The following MRPS5 variants were observed in gnomAD, a reference collection of about 807,000 sequenced individuals.
The protein encoded by MRPS5 is mitochondrial ribosomal protein S5, also known as small ribosomal subunit protein uS5m.
In MRPS5, 27 loss-of-function variants were observed where a neutral mutation model predicts 51.9. That is an observed-to-expected ratio of 0.52 (90% CI 0.38 to 0.72). MRPS5 has a LOEUF of 0.72. MRPS5 is among the 30% of genes least tolerant of loss of function. MRPS5 has a pLI of 0.00. For synonymous variants in MRPS5, 196 were observed against 193.2 expected (o/e 1.01, Z -0.12); for missense variants, 570 against 545.7 (o/e 1.04, Z -0.44).
intron 6 of MRPS5, 60 bp downstream of exon 6, chr2:95,106,363 T>TTCCCCC: frequency 1.7e-6 from 1 of 599,382 alleles, no homozygotes; most frequent in Admixed American, 2.0e-5. Context: ...GCCCTGTCCC[T>TTCCCCC]GCCCCACCCA....
chr2:95,106,396 A>C, intron 6 of MRPS5, 27 bp downstream of exon 6: 1 of 1,579,390 alleles, frequency 6.3e-7, no homozygotes, highest in Non-Finnish European at 8.7e-7. Context: ...CAAAGGCTTA[A>C]CCAGGTATTT....
At position 95,090,542 on chromosome 2, in the gene MRPS5, G is replaced by A. The variant is rs746331897; in HGVS notation, c.932-20C>T. 9.3e-6 allele frequency: 15 copies of A among 1,613,698 alleles called. No homozygotes were observed. The highest frequency in any genetic ancestry group is 2.7e-5 in the African/African-American group (2 of 74,898). ...CGTAACCTAGAAAAGGAGAAACCGG[G>A]TGAAACACAGCCCACTCGCCTGCAG... On this transcript the variant is annotated intron_variant, in intron 10 of 11. Coordinates refer to ENST00000272418, the MANE Select transcript of MRPS5 (RefSeq NM_031902.5).
intron 3 of MRPS5, among the ~76,000 whole-genome samples, chr2:95,110,280 T>A (rs951931909): frequency 2.6e-5 from 4 of 152,230 alleles, no homozygotes; most frequent in African/African-American, 9.6e-5. Context: ...ATTTTATTTT[T>A]CCCTCTAACT....
chr2:95,112,923 T>C (rs1188148459), intron 3 of MRPS5, among the ~76,000 whole-genome samples: 1 of 150,488 alleles, frequency 6.6e-6, no homozygotes, highest in Admixed American at 6.6e-5. Context: ...GAGAATGGCA[T>C]AAACCCAGGA....
intron 11 of MRPS5, among the ~76,000 whole-genome samples, chr2:95,089,173 A>C (rs1430845258): frequency 6.6e-6 from 1 of 152,230 alleles, no homozygotes; most frequent in African/African-American, 2.4e-5. Context: ...CTAATGTTTC[A>C]ATTTACAAGT....
At chr2:95,089,651 C>G (rs1268756420) in intron 11 of MRPS5, among the ~76,000 whole-genome samples, 1 of 152,182 alleles carries the variant, frequency 6.6e-6, no homozygotes, top group Non-Finnish European at 1.5e-5. Context: ...GAACCACCTA[C>G]ACAGGTAACA....
chr2:95,090,569 C>T (rs761231268), intron 10 of MRPS5, 47 bp from the exon 11 acceptor site: 21 of 1,610,426 alleles, frequency 1.3e-5, no homozygotes, highest in Admixed American at 6.7e-5. Context: ...CGCCTGCAGC[C>T]GGAGGAGTCA....
At chr2:95,095,456 T>A (rs1488777985) in intron 10 of MRPS5, among the ~76,000 whole-genome samples, 1 of 152,224 alleles carries the variant, frequency 6.6e-6, no homozygotes, top group Non-Finnish European at 1.5e-5. Flanking sequence ...TAGTTGGAAG[T>A]AAAGCACTCC....
Position 95,108,348 on chromosome 2 carries a change from T to G in MRPS5, c.464A>C (p.Gln155Pro), listed in dbSNP as rs748934594. 6.2e-7 allele frequency: 1 copy of G among 1,614,236 alleles called. No individual in the cohort carries two copies. The highest frequency in any genetic ancestry group is 8.5e-7 in the Non-Finnish European group (1 of 1,180,042). Residue 155 changes from glutamine to proline, a missense_variant, in exon 5 of 12, where the codon CAG becomes CCG. Coordinates refer to ENST00000272418, the MANE Select transcript of MRPS5 (RefSeq NM_031902.5). The part of the protein sequence containing the change: ...NVPLMKNGAV[Q>P]TIAQRSKEEQ... ...TTCCTTGCTTCTTTGGGCAATGGTC[T>G]GCACTGCTCCATTTTTCATAAGAGG...
At chr2:95,117,034 G>A (rs1263991490) in intron 2 of MRPS5, among the ~76,000 whole-genome samples, 2 of 151,990 alleles carry the variant, frequency 1.3e-5, no homozygotes, top group East Asian at 1.9e-4. Context: ...CCAGCTACTC[G>A]AGAGGCTGAG....
intron 8 of MRPS5, among the ~76,000 whole-genome samples, chr2:95,101,225 A>G (rs1463641202): frequency 6.6e-6 from 1 of 151,966 alleles, no homozygotes. Context: ...CTCTACCAAA[A>G]ATACAAAAGT....
rs986550053 is a variant in MRPS5, at chr2:95,090,280, T to C, written c.1068+106A>G. The C allele has an allele frequency of 5.3e-6, 6 of 1,134,278 alleles. No individual in the cohort carries two copies. The African/African-American group carries it at 9.3e-5, about 18-fold the overall frequency. 70.3% of individuals were successfully genotyped at this position (1,134,278 alleles called of 1,614,324 possible). On this transcript the variant is annotated intron_variant, in intron 11 of 11. Coordinates refer to ENST00000272418, the MANE Select transcript of MRPS5 (RefSeq NM_031902.5). ...AACAAAGAATGCCCAACTCCTCAGG[T>C]GGCCCCAGGAAAGCATCTCCAGGAG...
chr2:95,114,461 C>G (rs1676224134), intron 3 of MRPS5, among the ~76,000 whole-genome samples: 1 of 151,986 alleles, frequency 6.6e-6, no homozygotes, highest in Non-Finnish European at 1.5e-5. Flanking sequence ...TTAGTAGAGA[C>G]AGGGTTTCAC....
At chr2:95,121,944 C>A, upstream of MRPS5, 1 of 879,254 alleles carries the variant, frequency 1.1e-6, no homozygotes, top group Non-Finnish European at 1.6e-6. Context: ...GAGGGACTGT[C>A]CGGACGGGCC....
intron 1 of MRPS5, 69 bp downstream of exon 1, chr2:95,121,665 G>T: frequency 6.8e-7 from 1 of 1,481,164 alleles, no homozygotes; most frequent in Admixed American, 2.1e-5. Context: ...CCCGACTTCT[G>T]CAGGCCCCAG....
At chr2:95,092,180 T>G (rs1675485396) in intron 10 of MRPS5, 1 of 152,260 alleles carries the variant, frequency 6.6e-6, no homozygotes, top group South Asian at 2.1e-4. Flanking sequence ...GGTAATGATT[T>G]GACTACCTTC....
intron 3 of MRPS5, among the ~76,000 whole-genome samples, chr2:95,114,562 C>T (rs1357689017): frequency 3.3e-5 from 5 of 152,108 alleles, no homozygotes; most frequent in African/African-American, 7.2e-5. Flanking sequence ...TGAGCCACCG[C>T]GCCCGGCCAA....
At chr2:95,115,751 C>T (rs1676268211) in intron 2 of MRPS5, among the ~76,000 whole-genome samples, 2 of 152,190 alleles carry the variant, frequency 1.3e-5, no homozygotes, top group Admixed American at 6.5e-5. Flanking sequence ...ACAGATGACA[C>T]ACTGAGTTCC....
chr2:95,104,774 C>G, intron 6 of MRPS5, 44 bp from the exon 7 acceptor site: 1 of 1,591,738 alleles, frequency 6.3e-7, no homozygotes, highest in Non-Finnish European at 8.6e-7. Flanking sequence ...TTAAGAAAAT[C>G]TGAAGGAGGG....
Sources: allele counts gnomAD v4.1 joint callset (sites outside exome capture counted in the v4.1 genomes callset), GRCh38; gene constraint gnomAD v4.1.1; transcripts MANE v1.5; gene names NCBI Gene and HGNC (gene_info 2026-07-23, HGNC 2026-07-21).